The following SDK1 variants were observed in gnomAD, a reference collection of about 807,000 sequenced individuals.
The protein encoded by SDK1 is sidekick cell adhesion molecule 1.
A neutral mutation model predicts 245.5 loss-of-function variants in SDK1; 157 were observed. The observed-to-expected ratio is 0.64, with a 90% CI of 0.56 to 0.73. The LOEUF is 0.73. SDK1 is among the 30% of genes least tolerant of loss of function. The pLI is 0.00. For missense variants in SDK1, 3,583 were observed against 3,002.3 expected, an observed-to-expected ratio of 1.19 and a Z score of -4.52; for synonymous variants, 1,647 against 1,278.5, an observed-to-expected ratio of 1.29 and a Z score of -6.15.
intron 14 of SDK1, among the ~76,000 whole-genome samples, chr7:3,993,663 C>G (rs895798366): frequency 1.3e-5 from 2 of 152,156 alleles, no homozygotes; most frequent in African/African-American, 4.8e-5. Context: ...AAAGCCAGCC[C>G]TGCACCCAAG....
At chr7:3,593,479 A>G (rs771544511) in intron 1 of SDK1, among the ~76,000 whole-genome samples, 38 of 152,174 alleles carry the variant, frequency 2.5e-4, no homozygotes, top group African/African-American at 4.3e-4. Flanking sequence ...GTATACTTCT[A>G]CTTGTTTTGG....
intron 40 of SDK1, among the ~76,000 whole-genome samples, chr7:4,226,874 C>T (rs17134637): frequency 0.15 from 22,336 of 152,102 alleles, 1,934 homozygotes; most frequent in Middle Eastern, 0.21. Context: ...ATATTTTCCT[C>T]TCCAAAGCAG....
In SDK1 at chr7:3,624,937, C is replaced by T. The variant is rs953855799; in HGVS notation, c.458+5698C>T. On this transcript the variant is annotated intron_variant, in intron 2 of 44. Transcript: ENST00000404826. ...GTGCATGCCTGTAATCCCAGCTACT[C>T]GGGAGGCAGGAGAATCCCTTGAACC... 5.9e-5 allele frequency among the ~76,000 whole-genome samples: 9 copies of T among 152,042 alleles called. No individual in the cohort carries two copies. The South Asian group carries it at 1.0e-3, about 18-fold the overall frequency.
rs555463694 is a variant in SDK1 at position 3,333,058 on chromosome 7, C to T, written c.298+31174C>T. The stretch of plus-strand genomic sequence containing the variant: ...AGCGCCAAGAAAGGAGAAGCTGCTA[C>T]TTGGGGCATTGTGTTTGACTTTGGT... On this transcript the variant is annotated intron_variant, in intron 1 of 44. Coordinates refer to ENST00000404826, the MANE Select transcript of SDK1 (RefSeq NM_152744.4). 3.9e-5 allele frequency among the ~76,000 whole-genome samples: 6 copies of T among 152,202 alleles called. No individual in the cohort carries two copies. In the East Asian group the frequency reaches 1.2e-3, roughly 29 times the overall value.
chr7:3,526,782 G>A (rs886117940), intron 1 of SDK1, among the ~76,000 whole-genome samples: 2 of 151,940 alleles, frequency 1.3e-5, no homozygotes, highest in Admixed American at 1.3e-4. Context: ...CTTTTATTTG[G>A]TTGGTTTTCA....
intron 12 of SDK1, among the ~76,000 whole-genome samples, chr7:3,973,644 A>T (rs949262149): frequency 1.3e-5 from 2 of 151,868 alleles, no homozygotes; most frequent in African/African-American, 4.8e-5. Flanking sequence ...TCCTGTCCAG[A>T]CAACACTCTT....
intron 22 of SDK1, among the ~76,000 whole-genome samples, chr7:4,086,299 C>T (rs1213012656): frequency 6.6e-6 from 1 of 152,144 alleles, no homozygotes; most frequent in East Asian, 1.9e-4. Flanking sequence ...TATATCACTG[C>T]CATAACAAAT....
rs749960699 is a variant in SDK1, at chr7:4,158,577, G to A, written c.4729+26G>A. On this transcript the variant is annotated intron_variant, in intron 31 of 44. Transcript: ENST00000404826. Reference sequence around the variant, plus strand: ...GTGAGCAACCCGGGGCCCAGACCGCGTTCCTGGCCGCTGCCCCTGGAGCCC... The same window carrying A: ...GTGAGCAACCCGGGGCCCAGACCGCATTCCTGGCCGCTGCCCCTGGAGCCC... 18 of 1,549,252 alleles carry A rather than the reference G, an allele frequency of 1.2e-5. No homozygotes were observed. In the East Asian group the frequency reaches 2.2e-4, roughly 19 times the overall value.
At chr7:4,236,588 C>T (rs940364919) in intron 41 of SDK1, among the ~76,000 whole-genome samples, 5 of 151,990 alleles carry the variant, frequency 3.3e-5, no homozygotes, top group Admixed American at 2.6e-4. Context: ...CTTCCATAGA[C>T]GTGCAGACGG....
At chr7:4,049,032 A>G (rs556164513) in intron 17 of SDK1, among the ~76,000 whole-genome samples, 1 of 152,322 alleles carries the variant, frequency 6.6e-6, no homozygotes, top group Admixed American at 6.5e-5. Flanking sequence ...GTTCATTGAA[A>G]AAGAGATTAG....
rs551734815 is a variant in SDK1 at position 3,718,273 on chromosome 7, G to A, written c.713+76168G>A. On this transcript the variant is annotated intron_variant, in intron 4 of 44. Transcript: ENST00000404826. ...CCAGCACTTTCAAAGGCCGAGATGGGTGGAATCACTTGGGCTCAGAAGTTG... is the reference window on the plus strand; with the variant it reads ...CCAGCACTTTCAAAGGCCGAGATGGATGGAATCACTTGGGCTCAGAAGTTG... 2.6e-5 allele frequency among the ~76,000 whole-genome samples: 4 copies of A among 152,216 alleles called. No individual in the cohort carries two copies. In the South Asian group the frequency reaches 6.2e-4, roughly 24 times the overall value.
At chr7:3,551,767 G>A (rs1042775878) in intron 1 of SDK1, among the ~76,000 whole-genome samples, 3 of 151,884 alleles carry the variant, frequency 2.0e-5, no homozygotes, top group Non-Finnish European at 4.4e-5. Flanking sequence ...CCTGAGACTC[G>A]TGGGTTCGAG....
intron 4 of SDK1, among the ~76,000 whole-genome samples, chr7:3,716,100 A>G (rs1247664559): frequency 1.3e-5 from 2 of 149,904 alleles, no homozygotes; most frequent in East Asian, 2.0e-4. Flanking sequence ...CTGACCAACA[A>G]TGAAAAAGGT....
intron 4 of SDK1, among the ~76,000 whole-genome samples, chr7:3,676,124 C>A (rs1425623284): frequency 6.6e-6 from 1 of 152,018 alleles, no homozygotes; most frequent in East Asian, 1.9e-4. Flanking sequence ...TGCCATCACA[C>A]CTGGCTAAAT....
intron 1 of SDK1, among the ~76,000 whole-genome samples, chr7:3,482,631 C>G (rs1781553911): frequency 1.3e-5 from 2 of 152,188 alleles, no homozygotes; most frequent in African/African-American, 2.4e-5. Context: ...CCTGCACATT[C>G]CTGCTATCCT....
intron 1 of SDK1, among the ~76,000 whole-genome samples, chr7:3,483,629 T>C (rs1047227252): frequency 6.6e-6 from 1 of 152,224 alleles, no homozygotes; most frequent in Non-Finnish European, 1.5e-5. Flanking sequence ...TTCTTCATTT[T>C]AATGGATGCT....
rs560033299 is a variant in SDK1, at chr7:3,833,345, G to C, written c.847+11762G>C. Reference sequence around the variant, plus strand: ...CATCTGACATTAACGGCCATGTCTGGTATTAAATGCCCTTCTCTTTCTCCA... The same window carrying C: ...CATCTGACATTAACGGCCATGTCTGCTATTAAATGCCCTTCTCTTTCTCCA... On this transcript the variant is annotated intron_variant, in intron 5 of 44. Transcript: ENST00000404826. 2.6e-5 allele frequency among the ~76,000 whole-genome samples: 4 copies of C among 152,232 alleles called. No homozygotes were observed. The South Asian group carries it at 8.3e-4, about 32-fold the overall frequency.
intron 22 of SDK1, among the ~76,000 whole-genome samples, chr7:4,087,470 C>T (rs1415550428): frequency 9.2e-6 from 1 of 108,948 alleles, no homozygotes; most frequent in African/African-American, 7.1e-5. Context: ...TGCACAGACA[C>T]ACACGCGCGC....
intron 1 of SDK1, among the ~76,000 whole-genome samples, chr7:3,455,309 C>G (rs1365529328): frequency 6.6e-6 from 1 of 150,724 alleles, no homozygotes; most frequent in African/African-American, 2.4e-5. Flanking sequence ...TCAATTTTTT[C>G]TATATGGATT....
Sources: allele counts gnomAD v4.1 joint callset (sites outside exome capture counted in the v4.1 genomes callset), GRCh38; gene constraint gnomAD v4.1.1; transcripts MANE v1.5; gene names NCBI Gene and HGNC (gene_info 2026-07-23, HGNC 2026-07-21).